SLC9A9: variants seen among roughly 807,000 people sequenced by gnomAD.
The protein encoded by SLC9A9 is sodium/hydrogen exchanger 9.
Under a neutral mutation model 77.8 loss-of-function variants are expected in SLC9A9, and 62 were observed. The ratio of observed to expected loss-of-function variants is 0.80; its 90% CI spans 0.65 to 0.98. The LOEUF (loss-of-function observed/expected upper bound fraction) is 0.98. Ranked by LOEUF, SLC9A9 falls within the 50% of genes least tolerant of loss-of-function variation. The pLI is 0.00. For synonymous variants in SLC9A9, 320 were observed against 283.5 expected (o/e 1.13, Z -1.29); for missense variants, 775 against 774.9 (o/e 1.00, Z 0.00).
chr3:143,386,226 G>C (rs2033423202), intron 12 of SLC9A9, among the ~76,000 whole-genome samples: 1 of 152,182 alleles, frequency 6.6e-6, no homozygotes, highest in Non-Finnish European at 1.5e-5. Context: ...AGATCACCTT[G>C]CTCTGTCTTT....
intron 11 of SLC9A9, among the ~76,000 whole-genome samples, chr3:143,482,292 G>C (rs186799892): frequency 1.3e-5 from 2 of 152,304 alleles, no homozygotes; most frequent in African/African-American, 2.4e-5. Flanking sequence ...AAATGAGTCA[G>C]GAACATTAAT....
chr3:143,433,757 C>A (rs1047875331), intron 12 of SLC9A9, among the ~76,000 whole-genome samples: 20 of 152,192 alleles, frequency 1.3e-4, no homozygotes, highest in African/African-American at 4.8e-4. Context: ...AGGAAATATG[C>A]AGATTCCTGA....
At chr3:143,668,747 G>T (rs114231465) in intron 5 of SLC9A9, among the ~76,000 whole-genome samples, 1 of 152,166 alleles carries the variant, frequency 6.6e-6, no homozygotes, top group African/African-American at 2.4e-5. Context: ...TTAGCTCCTC[G>T]AGGATCAGAA....
chr3:143,685,463 T>C (rs1216188130), intron 5 of SLC9A9, among the ~76,000 whole-genome samples: 2 of 152,136 alleles, frequency 1.3e-5, no homozygotes, highest in Non-Finnish European at 2.9e-5. Flanking sequence ...AGTCTCTGAA[T>C]TAATAATTAT....
intron 14 of SLC9A9, among the ~76,000 whole-genome samples, chr3:143,350,847 G>A (rs1020377593): frequency 3.1e-4 from 47 of 152,206 alleles, no homozygotes; most frequent in South Asian, 1.7e-3. Context: ...CTCTCTCCCC[G>A]TAATCTGGCC....
intron 5 of SLC9A9, among the ~76,000 whole-genome samples, chr3:143,691,618 G>A (rs1413734181): frequency 6.6e-6 from 1 of 152,032 alleles, no homozygotes; most frequent in Non-Finnish European, 1.5e-5. Flanking sequence ...TATTACGAGT[G>A]ACCACTGCTT....
intron 9 of SLC9A9, among the ~76,000 whole-genome samples, chr3:143,528,419 C>T (rs900447716): frequency 3.3e-5 from 5 of 152,188 alleles, no homozygotes; most frequent in African/African-American, 1.2e-4. Flanking sequence ...TTTTCCTTTA[C>T]ACATTTAGGA....
At chr3:143,297,060 T>C (rs1329216318) in intron 14 of SLC9A9, among the ~76,000 whole-genome samples, 1 of 152,222 alleles carries the variant, frequency 6.6e-6, no homozygotes, top group Non-Finnish European at 1.5e-5. Context: ...CTTTTGTTGC[T>C]TTTACTTCTG....
intron 14 of SLC9A9, among the ~76,000 whole-genome samples, chr3:143,323,877 G>C (rs1349270612): frequency 1.3e-5 from 2 of 152,090 alleles, no homozygotes; most frequent in Admixed American, 6.5e-5. Flanking sequence ...TGAGGATACT[G>C]ATATTTAAAA....
intron 1 of SLC9A9, among the ~76,000 whole-genome samples, chr3:143,838,080 G>C (rs2009614223): frequency 6.6e-6 from 1 of 152,112 alleles, no homozygotes; most frequent in Non-Finnish European, 1.5e-5. Context: ...TTTCTGTCAG[G>C]GTTTCTGTTA....
At chr3:143,843,065 A>C (rs2009745777) in intron 1 of SLC9A9, among the ~76,000 whole-genome samples, 1 of 129,196 alleles carries the variant, frequency 7.7e-6, no homozygotes, top group South Asian at 2.2e-4. Flanking sequence ...AAAAATCATC[A>C]AGATTAAGAA....
chr3:143,509,484 A>G (rs1424283556), intron 9 of SLC9A9, among the ~76,000 whole-genome samples: 1 of 152,180 alleles, frequency 6.6e-6, no homozygotes, highest in Non-Finnish European at 1.5e-5. Flanking sequence ...TCTGTGTTGA[A>G]GCTACTGCAC....
At chr3:143,398,020 G>A (rs1269608039) in intron 12 of SLC9A9, among the ~76,000 whole-genome samples, 1 of 152,114 alleles carries the variant, frequency 6.6e-6, no homozygotes, top group African/African-American at 2.4e-5. Context: ...CAACAACAAA[G>A]TTTTGCAAAA....
At chr3:143,810,266 T>G (rs2008829351) in intron 2 of SLC9A9, among the ~76,000 whole-genome samples, 1 of 152,210 alleles carries the variant, frequency 6.6e-6, no homozygotes, top group African/African-American at 2.4e-5. Flanking sequence ...CATCAGAAGG[T>G]TACAGATATA....
intron 4 of SLC9A9, among the ~76,000 whole-genome samples, chr3:143,794,760 A>C (rs938013334): frequency 1.3e-5 from 2 of 152,334 alleles, no homozygotes; most frequent in Admixed American, 1.3e-4. Flanking sequence ...AGTGATCCAC[A>C]TTCCCTAAGT....
At chr3:143,805,575 G>GA (rs1396283457) in intron 2 of SLC9A9, among the ~76,000 whole-genome samples, 1 of 152,112 alleles carries the variant, frequency 6.6e-6, no homozygotes, top group Non-Finnish European at 1.5e-5. Context: ...CAAAAGAAGT[G>GA]AAAATGGCTG....
intron 5 of SLC9A9, among the ~76,000 whole-genome samples, chr3:143,654,563 T>C (rs1050143459): frequency 5.3e-5 from 8 of 152,222 alleles, no homozygotes; most frequent in African/African-American, 1.9e-4. Flanking sequence ...AGACACTGCA[T>C]CTACCCAAAA....
At chr3:143,474,247 A>G (rs1014589065) in intron 11 of SLC9A9, among the ~76,000 whole-genome samples, 3 of 152,182 alleles carry the variant, frequency 2.0e-5, no homozygotes, top group Admixed American at 6.5e-5. Context: ...CAGTGGAAGG[A>G]GATAATGCCA....
intron 4 of SLC9A9, among the ~76,000 whole-genome samples, chr3:143,703,464 G>A (rs1166878115): frequency 6.6e-6 from 1 of 152,004 alleles, no homozygotes. Context: ...GCTCCTAAAT[G>A]ACAGTGGGTC....
Sources: allele counts gnomAD v4.1 joint callset (sites outside exome capture counted in the v4.1 genomes callset), GRCh38; gene constraint gnomAD v4.1.1; transcripts MANE v1.5; gene names NCBI Gene and HGNC (gene_info 2026-07-23, HGNC 2026-07-21).